The following SASH1 variants were observed in gnomAD, a reference collection of about 807,000 sequenced individuals.
SASH1 encodes SAM and SH3 domain-containing protein 1.
Under a neutral mutation model 125.2 loss-of-function variants are expected in SASH1, and 44 were observed. The ratio of observed to expected loss-of-function variants is 0.35; its 90% CI spans 0.28 to 0.45. SASH1 has a LOEUF of 0.45. Ranked by LOEUF, SASH1 falls within the 20% of genes least tolerant of loss-of-function variation. The pLI is 1.00. For missense variants in SASH1, 1,426 were observed against 1,614.5 expected, an observed-to-expected ratio of 0.88 and a Z score of 2.00; for synonymous variants, 639 against 649.1, an observed-to-expected ratio of 0.98 and a Z score of 0.24.
rs866996384 is a variant in SASH1, at chr6:148,343,009, G to C, written c.-59G>C. The C allele has an allele frequency of 5.4e-6, 6 of 1,119,102 alleles. No individual in the cohort carries two copies. In the Admixed American group the frequency reaches 3.0e-4, roughly 56 times the overall value. The allele number at this position is 1,119,102 out of a possible 1,614,324, so 69.3% of individuals were successfully genotyped here. ...CCGGCATCCGGGCAGGCTGCGCGCG[G>C]GTGCGGGGCGAGGGCGCCGCGGGGA... On this transcript the variant is annotated 5_prime_UTR_variant, in exon 1 of 20. Coordinates refer to ENST00000367467, the MANE Select transcript of SASH1 (RefSeq NM_015278.5).
chr6:148,240,162 CTT>C, the SASH1 span: 360 of 145,602 alleles, frequency 2.5e-3, no homozygotes, highest in Middle Eastern at 3.5e-3. Flanking sequence ...GTTTTGTTTG[CTT>C]TTTTTTTTTT....
intron 1 of SASH1, among the ~76,000 whole-genome samples, chr6:148,312,490 C>G (rs1198417450): frequency 6.6e-6 from 1 of 152,096 alleles, no homozygotes; most frequent in Non-Finnish European, 1.5e-5. Flanking sequence ...GCCTGGGTGA[C>G]AGAGTGAGAT....
chr6:148,210,302 C>A, the SASH1 span, among the ~76,000 whole-genome samples: 1 of 152,102 alleles, frequency 6.6e-6, no homozygotes, highest in Non-Finnish European at 1.5e-5. Flanking sequence ...CCAAGGTAGG[C>A]GGATTACCTG....
chr6:148,407,104 C>T (rs2114892136), intron 2 of SASH1, among the ~76,000 whole-genome samples: 1 of 151,656 alleles, frequency 6.6e-6, no homozygotes, highest in South Asian at 2.1e-4. Flanking sequence ...TAAAATTTAC[C>T]ATCCTAACTG....
At chr6:148,225,599 A>C in the SASH1 span, among the ~76,000 whole-genome samples, 1 of 152,216 alleles carries the variant, frequency 6.6e-6, no homozygotes, top group Non-Finnish European at 1.5e-5. Context: ...AGTGAGGGAT[A>C]AAAGAAGACA....
chr6:148,219,422 G>A, the SASH1 span, among the ~76,000 whole-genome samples: 5 of 152,212 alleles, frequency 3.3e-5, no homozygotes, highest in East Asian at 9.7e-4. Context: ...TATGATCAAA[G>A]TTCAGTCTTT....
the SASH1 span, among the ~76,000 whole-genome samples, chr6:148,261,951 T>A: frequency 6.6e-6 from 1 of 152,108 alleles, no homozygotes; most frequent in Admixed American, 6.5e-5. Flanking sequence ...TGGTTAACAG[T>A]TGAGGGGCAT....
At chr6:148,262,892 A>T in the SASH1 span, among the ~76,000 whole-genome samples, 1 of 152,150 alleles carries the variant, frequency 6.6e-6, no homozygotes, top group Non-Finnish European at 1.5e-5. Flanking sequence ...AGAAAGAAAG[A>T]AAGTAAAAGC....
chr6:148,246,946 C>A, the SASH1 span, among the ~76,000 whole-genome samples: 6 of 152,164 alleles, frequency 3.9e-5, no homozygotes, highest in Admixed American at 3.9e-4. Context: ...ATGCAGATGG[C>A]CCTGCTCTCA....
intron 1 of SASH1, among the ~76,000 whole-genome samples, chr6:148,343,927 A>G (rs1781430746): frequency 6.6e-6 from 1 of 152,206 alleles, no homozygotes; most frequent in South Asian, 2.1e-4. Flanking sequence ...TTAGGCAGGT[A>G]GACTGGAATC....
chr6:148,440,100 C>A, intron 2 of SASH1, 84 bp from the exon 3 acceptor site: 1 of 1,297,698 alleles, frequency 7.7e-7, no homozygotes, highest in Non-Finnish European at 1.1e-6. Context: ...CCGAATCCTC[C>A]CCTCTCTTCT....
chr6:148,388,806 G>A (rs1343761101), intron 1 of SASH1, among the ~76,000 whole-genome samples: 1 of 152,252 alleles, frequency 6.6e-6, no homozygotes, highest in African/African-American at 2.4e-5. Context: ...GCTATGGGCA[G>A]TGCACCAACA....
intron 1 of SASH1, among the ~76,000 whole-genome samples, chr6:148,317,677 G>T (rs1312882402): frequency 6.6e-6 from 1 of 152,006 alleles, no homozygotes; most frequent in African/African-American, 2.4e-5. Context: ...CGCCTGCCTC[G>T]GCCTCCCAAA....
chr6:148,241,159 T>C, the SASH1 span, among the ~76,000 whole-genome samples: 1 of 152,178 alleles, frequency 6.6e-6, no homozygotes, highest in Non-Finnish European at 1.5e-5. Context: ...AAATACAATT[T>C]CAAATTCTGC....
upstream of SASH1, chr6:148,342,497 CATTTCCATGCAAAGAGCCTGA>C (rs1781358598): frequency 6.6e-6 from 1 of 152,206 alleles, no homozygotes. Flanking sequence ...GTCCGAGGCT[CATTTCCATGCAAAGAGCCTGA>C]CATCAGAGCA....
chr6:148,426,141 G>A (rs552645774), intron 2 of SASH1, among the ~76,000 whole-genome samples: 51 of 152,224 alleles, frequency 3.4e-4, no homozygotes, highest in African/African-American at 1.2e-3. Context: ...CCTGGGAGGC[G>A]GAGGCTGCAG....
chr6:148,225,552 T>C, the SASH1 span, among the ~76,000 whole-genome samples: 1 of 151,918 alleles, frequency 6.6e-6, no homozygotes, highest in South Asian at 2.1e-4. Context: ...AATGATATAA[T>C]GGACTTTGGA....
chr6:148,468,774 G>T, intron 5 of SASH1, 189 bp downstream of exon 5: 1 of 509,110 alleles, frequency 2.0e-6, no homozygotes, highest in Non-Finnish European at 3.4e-6. Flanking sequence ...ATCATATTCT[G>T]CATACTGTTT....
chr6:148,295,982 C>T (rs2128510619), intron 1 of SASH1, among the ~76,000 whole-genome samples: 1 of 152,330 alleles, frequency 6.6e-6, no homozygotes, highest in African/African-American at 2.4e-5. Flanking sequence ...AATACCACTT[C>T]TTATATGTAT....
Sources: allele counts gnomAD v4.1 joint callset (sites outside exome capture counted in the v4.1 genomes callset), GRCh38; gene constraint gnomAD v4.1.1; transcripts MANE v1.5; gene names NCBI Gene and HGNC (gene_info 2026-07-23, HGNC 2026-07-21).